Variants in TET3 observed in about 807,000 individuals in gnomAD.
TET3 encodes methylcytosine dioxygenase TET3.
In TET3, 19 loss-of-function variants were observed where a neutral mutation model predicts 141.4. The observed-to-expected ratio is 0.13, with a 90% CI of 0.09 to 0.20. The LOEUF (loss-of-function observed/expected upper bound fraction) is 0.20. TET3 is among the 10% of genes least tolerant of loss of function. The pLI is 1.00. For missense variants in TET3, 1,874 were observed against 2,356.9 expected (o/e 0.80, Z 4.24); for synonymous variants, 1,043 against 980.9 (o/e 1.06, Z -1.18).
At chr2:74,030,443 C>T (rs1289182985) in intron 3 of TET3, among the ~76,000 whole-genome samples, 1 of 151,902 alleles carries the variant, frequency 6.6e-6, no homozygotes, top group African/African-American at 2.4e-5. Flanking sequence ...AAACCAAGCC[C>T]CTCATACTGA....
At chr2:74,079,234 C>A (rs888610976) in intron 5 of TET3, among the ~76,000 whole-genome samples, 39 of 152,306 alleles carry the variant, frequency 2.6e-4, no homozygotes, top group African/African-American at 9.1e-4. Context: ...GTAATCCCAG[C>A]TACTCGGGAG....
chr2:73,987,553 G>A (rs1684100196), intron 2 of TET3, among the ~76,000 whole-genome samples: 1 of 152,214 alleles, frequency 6.6e-6, no homozygotes, highest in African/African-American at 2.4e-5. Context: ...CAGAGAGTTG[G>A]CAGAAGTAGG....
rs771694137 is a variant in TET3, at chr2:74,100,610, C to T, written c.3822C>T (p.Gly1274=). 4 of 1,613,994 alleles carry T rather than the reference C, an allele frequency of 2.5e-6. No homozygotes were observed. The highest frequency in any genetic ancestry group is 1.7e-5 in the Admixed American group (1 of 60,026). ...AGCCCAGCCTGACCTCCGTCAATGG[C>T]TTCCACTCCAAGTACGCTCTCCCGT... The part of the protein sequence containing the change: ...YAQPSLTSVN[G]FHSKYALPSF... The change falls in exon 12 of 12, where the codon GGC becomes GGT. Residue 1274 remains glycine (G), a synonymous_variant. Coordinates refer to ENST00000409262, the MANE Select transcript of TET3 (RefSeq NM_001287491.2).
intron 3 of TET3, among the ~76,000 whole-genome samples, chr2:74,025,947 AT>A (rs199946483): frequency 6.6e-5 from 10 of 151,880 alleles, no homozygotes; most frequent in Non-Finnish European, 7.4e-5. Context: ...CCAAAAAAAA[AT>A]AATAATAATA....
intron 2 of TET3, among the ~76,000 whole-genome samples, chr2:74,000,911 A>AT (rs1684815787): frequency 2.0e-5 from 3 of 152,102 alleles, no homozygotes; most frequent in African/African-American, 7.2e-5. Context: ...CGCTGCAGCA[A>AT]CCGTACTAGT....
At chr2:74,119,998 T>C in the TET3 span, among the ~76,000 whole-genome samples, 1 of 152,208 alleles carries the variant, frequency 6.6e-6, no homozygotes, top group Admixed American at 6.5e-5. Flanking sequence ...TGCTTCTGTT[T>C]TCTGTTACAG....
chr2:74,044,727 G>T (rs866236461), intron 3 of TET3, among the ~76,000 whole-genome samples: 1 of 152,176 alleles, frequency 6.6e-6, no homozygotes, highest in South Asian at 2.1e-4. Flanking sequence ...AACGCCTGTC[G>T]CAAAGTCAGA....
chr2:74,120,294 A>G, the TET3 span, among the ~76,000 whole-genome samples: 1 of 150,238 alleles, frequency 6.7e-6, no homozygotes, highest in Non-Finnish European at 1.5e-5. Flanking sequence ...GACGGCCTCC[A>G]CGGCGGCAGG....
chr2:73,998,162 G>A (rs1233125602), intron 2 of TET3, among the ~76,000 whole-genome samples: 1 of 152,178 alleles, frequency 6.6e-6, no homozygotes, highest in East Asian at 1.9e-4. Context: ...AATTCCTCTT[G>A]GAAGTCTTCT....
chr2:74,004,333 CT>C (rs970502497), intron 3 of TET3, among the ~76,000 whole-genome samples: 1 of 152,194 alleles, frequency 6.6e-6, no homozygotes, highest in African/African-American at 2.4e-5. Context: ...TTCCCGCCCC[CT>C]GGGAAAGCTG....
Position 74,104,894 on chromosome 2 carries a change from A to G in TET3, c.*2718A>G, listed in dbSNP as rs1691415937. ...ATTGGATGTCCCCACTCCCCGCAGA[A>G]TGGCGTTTCCAGAGTTAGGCGGTGT... On this transcript the variant is annotated 3_prime_UTR_variant, in exon 12 of 12. Coordinates refer to ENST00000409262, the MANE Select transcript of TET3 (RefSeq NM_001287491.2). The G allele has an allele frequency of 3.1e-6, 1 of 325,388 alleles. No homozygotes were observed. The highest frequency in any genetic ancestry group is 4.8e-5 in the East Asian group (1 of 21,034). The allele number at this position is 325,388 out of a possible 1,614,324, so 20.2% of individuals were successfully genotyped here.
chr2:73,992,967 G>A (rs564695726), intron 2 of TET3, among the ~76,000 whole-genome samples: 4 of 152,342 alleles, frequency 2.6e-5, no homozygotes, highest in African/African-American at 9.6e-5. Flanking sequence ...GGACAGATGA[G>A]AAGTCCAGTT....
chr2:74,080,693 C>A, intron 6 of TET3, 102 bp downstream of exon 6: 3 of 538,476 alleles, frequency 5.6e-6, no homozygotes, highest in Non-Finnish European at 5.3e-6. Flanking sequence ...GCTGAGCAGG[C>A]GAGGGCGGGG....
In TET3 at chr2:74,052,358, C is replaced by G. The variant is rs569374328; in HGVS notation, c.2494+3947C>G. ...AACAAGGCTTAGAAATCAAGGTGCTCACTCTGGGATGACAATGGGAAAATC... is the reference window on the plus strand; with the variant it reads ...AACAAGGCTTAGAAATCAAGGTGCTGACTCTGGGATGACAATGGGAAAATC... On this transcript the variant is annotated intron_variant, in intron 4 of 11. Transcript: ENST00000409262. Among the ~76,000 whole-genome samples the G allele has an allele frequency of 3.9e-5, 6 of 152,242 alleles. 1 individual carries two copies. The South Asian group carries it at 1.2e-3, about 32-fold the overall frequency.
At chr2:74,033,588 C>G (rs140223348) in intron 3 of TET3, among the ~76,000 whole-genome samples, 3 of 152,278 alleles carry the variant, frequency 2.0e-5, no homozygotes, top group East Asian at 1.9e-4. Context: ...CTCTAAACCA[C>G]TGCAATAAAG....
At position 74,107,328 on chromosome 2, in the gene TET3, A is replaced by C. The variant is rs1327546797; in HGVS notation, c.*5152A>C. On this transcript the variant is annotated 3_prime_UTR_variant, in exon 12 of 12. Coordinates refer to ENST00000409262, the MANE Select transcript of TET3 (RefSeq NM_001287491.2). ...TAAAGTTGCTTTTTGCCTAAGAATCAGCGAGCGATTTGGCCTACTTCCTCA... is the reference window on the plus strand; with the variant it reads ...TAAAGTTGCTTTTTGCCTAAGAATCCGCGAGCGATTTGGCCTACTTCCTCA... 1 of 152,284 alleles carries C rather than the reference A, an allele frequency of 6.6e-6. No individual in the cohort carries two copies. The highest frequency in any genetic ancestry group is 2.4e-5 in the African/African-American group (1 of 41,470). 9.4% of individuals were successfully genotyped at this position (152,284 alleles called of 1,614,324 possible). A position where few individuals can be genotyped will look rare whatever the true frequency, so the allele number is the denominator to read the frequency against.
intron 5 of TET3, among the ~76,000 whole-genome samples, chr2:74,074,719 C>T (rs957755757): frequency 6.0e-5 from 9 of 150,992 alleles, no homozygotes; most frequent in East Asian, 5.8e-4. Context: ...AGGAGTGTCC[C>T]GAGGATAAAC....
the TET3 span, among the ~76,000 whole-genome samples, chr2:74,129,664 C>T: frequency 6.6e-6 from 1 of 151,872 alleles, no homozygotes; most frequent in Non-Finnish European, 1.5e-5. Context: ...ACCTTAAGGG[C>T]ATTACTTGAA....
chr2:74,080,630 G>GA, intron 6 of TET3, 39 bp downstream of exon 6: 2 of 1,567,986 alleles, frequency 1.3e-6, no homozygotes, highest in South Asian at 2.3e-5. Context: ...AGCTGTGCCT[G>GA]GTTCCCCTTG....
Sources: gnomAD v4.1 joint callset for allele counts (sites outside exome capture counted in the v4.1 genomes callset) on GRCh38, gnomAD v4.1.1 for gene constraint, MANE v1.5 for transcripts, NCBI Gene and HGNC (gene_info 2026-07-23, HGNC 2026-07-21) for gene names.